NDUFAF2: variants seen among roughly 807,000 people sequenced by gnomAD.
NDUFAF2 encodes the protein NADH:ubiquinone oxidoreductase complex assembly factor 2, also known as NADH dehydrogenase [ubiquinone] 1 alpha subcomplex assembly factor 2.
A neutral mutation model predicts 22.8 loss-of-function variants in NDUFAF2; 13 were observed. The ratio of observed to expected loss-of-function variants is 0.57; its 90% CI spans 0.37 to 0.91. The LOEUF is 0.91. NDUFAF2 is among the 40% of genes least tolerant of loss of function. NDUFAF2 has a pLI of 0.01. For synonymous variants in NDUFAF2, 53 were observed against 64.2 expected (o/e 0.83, Z 0.84); for missense variants, 162 against 195.2 (o/e 0.83, Z 1.01).
intron 1 of NDUFAF2, among the ~76,000 whole-genome samples, chr5:61,045,039 A>ATTAAAATTTAATTTAG (rs71606658): frequency 7.0e-6 from 1 of 142,054 alleles, no homozygotes; most frequent in East Asian, 2.0e-4. Context: ...TTTTAATTTA[A>ATTAAAATTTAATTTAG]TTAACATTTT....
intron 1 of NDUFAF2, among the ~76,000 whole-genome samples, chr5:60,956,640 A>T (rs983840901): frequency 8.5e-5 from 13 of 152,172 alleles, no homozygotes; most frequent in Non-Finnish European, 1.5e-4. Flanking sequence ...GATTTGGTAT[A>T]TCACATTGAT....
chr5:61,005,088 T>C (rs886122417), intron 1 of NDUFAF2, among the ~76,000 whole-genome samples: 3 of 152,066 alleles, frequency 2.0e-5, no homozygotes, highest in Admixed American at 6.6e-5. Context: ...CCCTCCCTGC[T>C]CCCCTCACCC....
chr5:60,977,062 G>A (rs1580075833), intron 1 of NDUFAF2, among the ~76,000 whole-genome samples: 1 of 152,018 alleles, frequency 6.6e-6, no homozygotes, highest in South Asian at 2.1e-4. Context: ...GATCTAGTCT[G>A]TAATAAAGTA....
chr5:60,994,443 A>G (rs1376755513), intron 1 of NDUFAF2, among the ~76,000 whole-genome samples: 1 of 152,202 alleles, frequency 6.6e-6, no homozygotes, highest in Non-Finnish European at 1.5e-5. Flanking sequence ...ACCAACGTGG[A>G]AAGAGCAGGG....
At chr5:61,136,010 T>TATATATAC (rs1561136619) in intron 3 of NDUFAF2, among the ~76,000 whole-genome samples, 4 of 17,592 alleles carry the variant, frequency 2.3e-4, no homozygotes, top group Non-Finnish European at 4.9e-4. Context: ...TGTCTTTATA[T>TATATATAC]ATATATATAT....
At chr5:61,106,930 C>T (rs1428982167) in intron 3 of NDUFAF2, among the ~76,000 whole-genome samples, 1 of 150,994 alleles carries the variant, frequency 6.6e-6, no homozygotes, top group East Asian at 1.9e-4. Context: ...ATCAGTTGAT[C>T]TGTTGGTGGA....
chr5:60,983,009 C>A (rs181343391), intron 1 of NDUFAF2, among the ~76,000 whole-genome samples: 3,638 of 151,678 alleles, frequency 0.024, 63 homozygotes, highest in Non-Finnish European at 0.037. Context: ...AGTTTACGGT[C>A]CCACCAACAG....
chr5:61,097,144 C>T (rs1305677845), intron 2 of NDUFAF2, among the ~76,000 whole-genome samples: 2 of 152,104 alleles, frequency 1.3e-5, no homozygotes, highest in Admixed American at 1.3e-4. Context: ...TTGCTGTTTC[C>T]ACCCCCACAA....
chr5:61,038,799 A>G (rs1751834494), intron 1 of NDUFAF2, among the ~76,000 whole-genome samples: 2 of 152,110 alleles, frequency 1.3e-5, no homozygotes, highest in South Asian at 4.1e-4. Context: ...CAATAACTCC[A>G]TAACATTTGA....
chr5:60,993,631 G>A (rs997825184), intron 1 of NDUFAF2, among the ~76,000 whole-genome samples: 1 of 152,128 alleles, frequency 6.6e-6, no homozygotes, highest in Non-Finnish European at 1.5e-5. Flanking sequence ...GGAGTGGGTA[G>A]TTCCTCTCTG....
chr5:61,144,145 CTAT>C (rs1057003173), intron 3 of NDUFAF2, among the ~76,000 whole-genome samples: 2 of 152,090 alleles, frequency 1.3e-5, no homozygotes, highest in South Asian at 2.1e-4. Context: ...CTTTTGAAGT[CTAT>C]TATTATGGAA....
At chr5:61,036,871 C>T (rs560569785) in intron 1 of NDUFAF2, among the ~76,000 whole-genome samples, 1 of 152,194 alleles carries the variant, frequency 6.6e-6, no homozygotes, top group South Asian at 2.1e-4. Context: ...TAGCTGGATC[C>T]CACTGGAAGC....
At chr5:61,060,909 G>A (rs1270212527) in intron 1 of NDUFAF2, among the ~76,000 whole-genome samples, 1 of 152,140 alleles carries the variant, frequency 6.6e-6, no homozygotes, top group African/African-American at 2.4e-5. Context: ...ACTCTGAAAT[G>A]TAAAGATTAA....
chr5:61,082,468 C>G (rs1001666783), intron 2 of NDUFAF2, among the ~76,000 whole-genome samples: 2 of 152,034 alleles, frequency 1.3e-5, no homozygotes, highest in Admixed American at 6.6e-5. Context: ...ATGTTTCTTA[C>G]ATGGATATAT....
intron 1 of NDUFAF2, among the ~76,000 whole-genome samples, chr5:61,058,766 A>C (rs955729397): frequency 2.6e-5 from 4 of 152,026 alleles, no homozygotes; most frequent in Non-Finnish European, 5.9e-5. Context: ...GCTTTACAAA[A>C]AAGTATAGAA....
intron 1 of NDUFAF2, among the ~76,000 whole-genome samples, chr5:60,975,228 G>A (rs1183003429): frequency 6.6e-6 from 1 of 151,962 alleles, no homozygotes; most frequent in African/African-American, 2.4e-5. Flanking sequence ...AGGATATTGT[G>A]TTACGACACT....
At chr5:60,978,304 CA>C (rs1289849054) in intron 1 of NDUFAF2, among the ~76,000 whole-genome samples, 1 of 152,110 alleles carries the variant, frequency 6.6e-6, no homozygotes, top group Non-Finnish European at 1.5e-5. Flanking sequence ...ACTTGACAGA[CA>C]GTTGTATTAG....
chr5:60,995,320 C>T (rs1751215169), intron 1 of NDUFAF2, among the ~76,000 whole-genome samples: 1 of 152,100 alleles, frequency 6.6e-6, no homozygotes, highest in African/African-American at 2.4e-5. Context: ...TTTAGCTGTC[C>T]TTTTTGGGAA....
At chr5:61,117,883 C>T (rs1181896604) in intron 3 of NDUFAF2, among the ~76,000 whole-genome samples, 2 of 151,990 alleles carry the variant, frequency 1.3e-5, no homozygotes, top group East Asian at 1.9e-4. Flanking sequence ...TCCAATAAAA[C>T]GTTATTTACA....
Sources: allele counts gnomAD v4.1 joint callset (sites outside exome capture counted in the v4.1 genomes callset), GRCh38; gene constraint gnomAD v4.1.1; transcripts MANE v1.5; gene names NCBI Gene and HGNC (gene_info 2026-07-23, HGNC 2026-07-21).